WASF1: variants seen among roughly 807,000 people sequenced by gnomAD.
The protein encoded by WASF1 is WASP family member 1.
A neutral mutation model predicts 50.5 loss-of-function variants in WASF1; 7 were observed. The ratio of observed to expected loss-of-function variants is 0.14; its 90% CI spans 0.08 to 0.26. The LOEUF is 0.26. WASF1 is among the 10% of genes least tolerant of loss of function. The pLI is 1.00. For missense variants in WASF1, 470 were observed against 694.7 expected (o/e 0.68, Z 3.64); for synonymous variants, 205 against 244.0 (o/e 0.84, Z 1.49).
intron 3 of WASF1, among the ~76,000 whole-genome samples, chr6:110,152,026 G>A (rs919285125): frequency 7.2e-5 from 11 of 152,134 alleles, no homozygotes; most frequent in Admixed American, 2.6e-4. Context: ...TAAGATGGCC[G>A]CATGATATCC....
chr6:110,117,511 T>C (rs77420091), intron 4 of WASF1, among the ~76,000 whole-genome samples: 6 of 152,242 alleles, frequency 3.9e-5, no homozygotes, highest in Non-Finnish European at 7.4e-5. Context: ...TATAGGACTA[T>C]ATGAAAAGGC....
At chr6:110,139,088 G>A (rs1775100931) in intron 3 of WASF1, among the ~76,000 whole-genome samples, 1 of 152,204 alleles carries the variant, frequency 6.6e-6, no homozygotes, top group Admixed American at 6.5e-5. Flanking sequence ...GGGTCAAGGT[G>A]GCAGGGGTTG....
At chr6:110,137,934 C>A (rs944736380) in intron 3 of WASF1, among the ~76,000 whole-genome samples, 1 of 152,224 alleles carries the variant, frequency 6.6e-6, no homozygotes, top group African/African-American at 2.4e-5. Context: ...GGGTGTGTCA[C>A]TTTTCCAGCT....
chr6:110,120,123 A>C (rs945879504), intron 4 of WASF1, among the ~76,000 whole-genome samples: 45 of 152,218 alleles, frequency 3.0e-4, no homozygotes, highest in African/African-American at 9.6e-4. Flanking sequence ...CCCTTTGAAA[A>C]TCAGCACAAG....
At chr6:110,124,270 C>CTATA (rs1472747620) in intron 4 of WASF1, among the ~76,000 whole-genome samples, 20 of 52,452 alleles carry the variant, frequency 3.8e-4, no homozygotes, top group South Asian at 8.0e-4. Context: ...CTCTCTCTCT[C>CTATA]TCTCTATATA....
chr6:110,154,017 T>TA lies in WASF1; in HGVS notation c.-29+6617dup, dbSNP rs112041902. ...TGAGGATACATTTGGAGTGAAAAAT[T>TA]AGAGGGATTTCTTTGAGTTCCAAAA... is the stretch of plus-strand genomic sequence containing the variant. On this transcript the variant is annotated intron_variant, in intron 3 of 10. Coordinates refer to ENST00000392589, the MANE Select transcript of WASF1 (RefSeq NM_003931.3). 3.8e-3 allele frequency among the ~76,000 whole-genome samples: 579 copies of TA among 152,170 alleles called. 1 individual carries two copies. The highest frequency in any genetic ancestry group is 0.012 in the African/African-American group (518 of 41,512).
At chr6:110,159,976 T>C (rs941021334) in intron 3 of WASF1, among the ~76,000 whole-genome samples, 5 of 151,962 alleles carry the variant, frequency 3.3e-5, no homozygotes, top group African/African-American at 4.8e-5. Context: ...AAAAGAACAA[T>C]GGCTTCAGCA....
intron 3 of WASF1, among the ~76,000 whole-genome samples, chr6:110,150,606 T>C (rs997537252): frequency 6.6e-6 from 1 of 152,004 alleles, no homozygotes; most frequent in Non-Finnish European, 1.5e-5. Flanking sequence ...AAACAGCAAG[T>C]TGAGAATAAG....
At chr6:110,176,571 A>G (rs758729543) in intron 2 of WASF1, among the ~76,000 whole-genome samples, 5 of 152,084 alleles carry the variant, frequency 3.3e-5, no homozygotes, top group Non-Finnish European at 7.4e-5. Context: ...AATGTTTGAT[A>G]AATCTTTAAA....
chr6:110,109,800 T>A (rs1006796133), intron 5 of WASF1, among the ~76,000 whole-genome samples: 3 of 151,924 alleles, frequency 2.0e-5, no homozygotes, highest in African/African-American at 7.3e-5. Flanking sequence ...GACCTCATGA[T>A]CTGCCCGCCT....
At chr6:110,126,287 A>C (rs1021015169) in intron 4 of WASF1, among the ~76,000 whole-genome samples, 1 of 152,178 alleles carries the variant, frequency 6.6e-6, no homozygotes, top group Non-Finnish European at 1.5e-5. Context: ...CAAGTAAACA[A>C]TACAATATTT....
chr6:110,159,075 G>A (rs752394619), intron 3 of WASF1, among the ~76,000 whole-genome samples: 2 of 152,006 alleles, frequency 1.3e-5, no homozygotes, highest in Non-Finnish European at 1.5e-5. Context: ...CCTGAAGACA[G>A]GGATCATATC....
At chr6:110,151,123 G>C (rs1231715557) in intron 3 of WASF1, among the ~76,000 whole-genome samples, 1 of 152,184 alleles carries the variant, frequency 6.6e-6, no homozygotes, top group Non-Finnish European at 1.5e-5. Context: ...TGACTAGAGA[G>C]AGTAAACCAC....
intron 2 of WASF1, among the ~76,000 whole-genome samples, chr6:110,164,578 T>C (rs1015406166): frequency 6.6e-5 from 10 of 151,566 alleles, no homozygotes; most frequent in African/African-American, 2.4e-4. Flanking sequence ...ATGGAGAGAA[T>C]GCAGAGCAAG....
At chr6:110,104,363 A>C in intron 8 of WASF1, among the ~76,000 whole-genome samples, 1 of 152,244 alleles carries the variant, frequency 6.6e-6, no homozygotes, top group South Asian at 2.1e-4. Context: ...CAATTCTTTC[A>C]GTAATACAGA....
intron 4 of WASF1, among the ~76,000 whole-genome samples, chr6:110,124,237 T>C (rs1330877971): frequency 4.5e-4 from 10 of 22,064 alleles, no homozygotes; most frequent in African/African-American, 1.8e-3. Flanking sequence ...CTCTCTCTCC[T>C]CTCTCTCTCT....
rs547576819 is a variant in WASF1 at position 110,126,587 on chromosome 6, A to C, written c.133+882T>G. ...AAGAAAAGAAAAGCCAAGCCTGCTT[A>C]TCAGGAGAATTTATATGGCTGATGA... On this transcript the variant is annotated intron_variant, in intron 4 of 10. Coordinates refer to ENST00000392589, the MANE Select transcript of WASF1 (RefSeq NM_003931.3). Among the ~76,000 whole-genome samples the C allele has an allele frequency of 3.3e-5, 5 of 152,328 alleles. No individual in the cohort carries two copies. The East Asian group carries it at 9.6e-4, about 29-fold the overall frequency.
chr6:110,145,442 G>A (rs892847300), intron 3 of WASF1, among the ~76,000 whole-genome samples: 1 of 152,106 alleles, frequency 6.6e-6, no homozygotes, highest in African/African-American at 2.4e-5. Context: ...CTAATTGAAT[G>A]CCCTTTATTC....
At chr6:110,131,353 T>A (rs1008994462) in intron 3 of WASF1, among the ~76,000 whole-genome samples, 2 of 152,216 alleles carry the variant, frequency 1.3e-5, no homozygotes, top group African/African-American at 4.8e-5. Flanking sequence ...GTTTCTTATA[T>A]ATTATTTCAG....
Sources: gnomAD v4.1 joint callset for allele counts (sites outside exome capture counted in the v4.1 genomes callset) on GRCh38, gnomAD v4.1.1 for gene constraint, MANE v1.5 for transcripts, NCBI Gene and HGNC (gene_info 2026-07-23, HGNC 2026-07-21) for gene names.